The following DIS3 variants were observed in gnomAD, a reference collection of about 807,000 sequenced individuals.
The protein encoded by DIS3 is DIS3 exosome endoribonuclease and 3'-5' exoribonuclease.
Under a neutral mutation model 113.0 loss-of-function variants are expected in DIS3, and 103 were observed. The ratio of observed to expected loss-of-function variants is 0.91; its 90% CI spans 0.78 to 1.07. The LOEUF is 1.07. Ranked by LOEUF, DIS3 falls within the 50% of genes least tolerant of loss-of-function variation. The pLI, the probability that DIS3 is intolerant of heterozygous loss-of-function variation, is 0.00. For missense variants in DIS3, 1,121 were observed against 1,167.1 expected (o/e 0.96, Z 0.58); for synonymous variants, 402 against 394.3 (o/e 1.02, Z -0.23).
chr13:72,763,314 C>T (rs2033671816), intron 16 of DIS3, 137 bp downstream of exon 16: 1 of 1,158,876 alleles, frequency 8.6e-7, no homozygotes, highest in Non-Finnish European at 1.2e-6. Flanking sequence ...AAAAAAAAAC[C>T]AAAAGAAAAA....
intron 19 of DIS3, among the ~76,000 whole-genome samples, chr13:72,761,125 A>G (rs2033612701): frequency 6.6e-6 from 1 of 152,004 alleles, no homozygotes; most frequent in Non-Finnish European, 1.5e-5. Context: ...TACATGGTAT[A>G]AAAGAAAGAA....
chr13:72,762,952 C>A (rs2033661341), intron 16 of DIS3, among the ~76,000 whole-genome samples: 1 of 152,062 alleles, frequency 6.6e-6, no homozygotes, highest in Non-Finnish European at 1.5e-5. Flanking sequence ...GACCAGGATG[C>A]TGCATAGATC....
chr13:72,772,031 G>A, intron 10 of DIS3, 128 bp downstream of exon 10: 1 of 1,195,422 alleles, frequency 8.4e-7, no homozygotes, highest in Non-Finnish European at 1.2e-6. Flanking sequence ...TCTGACATAT[G>A]GCCAATAGCG....
intron 2 of DIS3, 102 bp from the exon 3 acceptor site, chr13:72,778,482 A>C (rs2034075246): frequency 5.9e-6 from 5 of 852,424 alleles, no homozygotes; most frequent in African/African-American, 1.7e-5. Flanking sequence ...AGAAAAAGTC[A>C]ATGGTATATC....
chr13:72,763,648 C>A lies in DIS3; in HGVS notation c.1971-41G>T, dbSNP rs990726679. 8.3e-6 allele frequency: 13 copies of A among 1,568,830 alleles called. No individual in the cohort carries two copies. In the African/African-American group the frequency reaches 1.2e-4, roughly 15 times the overall value. ...GCATTAAACAAACAAAAAAGAGAAT[C>A]TGAGACTTCTATATATCATATTTTT... On this transcript the variant is annotated intron_variant, in intron 15 of 20. Coordinates refer to ENST00000377767, the MANE Select transcript of DIS3 (RefSeq NM_014953.5).
rs568547611 is a variant in DIS3 at position 72,770,386 on chromosome 13, A to G, written c.1755+518T>C. Reference sequence around the variant, plus strand: ...TGCCTAGAAAGACTCTTCCCCTCCCACCCAAACTGAAATACATTTGTCTGT... The same window carrying G: ...TGCCTAGAAAGACTCTTCCCCTCCCGCCCAAACTGAAATACATTTGTCTGT... On this transcript the variant is annotated intron_variant, in intron 13 of 20. Coordinates refer to ENST00000377767, the MANE Select transcript of DIS3 (RefSeq NM_014953.5). Among the ~76,000 whole-genome samples the G allele has an allele frequency of 7.4e-3, 1,131 of 152,058 alleles. 12 individuals carry two copies. The highest frequency in any genetic ancestry group is 0.026 in the African/African-American group (1,089 of 41,454).
rs147732779 is a variant in DIS3 at position 72,754,067 on chromosome 13, G to T, written c.*5728C>A. ...TGAGGGCATTTACTGAACCTTCCAG[G>T]TGGTGGTTATATATTCATACTTGAA... On this transcript the variant is annotated 3_prime_UTR_variant, in exon 21 of 21. Coordinates refer to ENST00000377767, the MANE Select transcript of DIS3 (RefSeq NM_014953.5). 8.8e-3 allele frequency: 3,099 copies of T among 353,642 alleles called. 22 individuals are homozygous for T. The highest frequency in any genetic ancestry group is 0.013 in the Non-Finnish European group (2,462 of 195,922). The allele number at this position is 353,642 out of a possible 1,614,324, so 21.9% of individuals were successfully genotyped here. A position where few individuals can be genotyped will look rare whatever the true frequency, so the allele number is the denominator to read the frequency against.
chr13:72,774,749 T>C (rs1425672994), intron 6 of DIS3, among the ~76,000 whole-genome samples: 1 of 152,134 alleles, frequency 6.6e-6, no homozygotes, highest in African/African-American at 2.4e-5. Flanking sequence ...TCATAAGAAA[T>C]AACTGAAAGT....
chr13:72,756,958 C>T lies in DIS3; in HGVS notation c.*2837G>A, dbSNP rs1337301244. On this transcript the variant is annotated 3_prime_UTR_variant, in exon 21 of 21. Transcript: ENST00000377767. ...CATCTGTTAAATGGAGATAACAGTC[C>T]TGGCTTAACAGGGCTTTTTGAGTTA... is the stretch of plus-strand genomic sequence containing the variant. The T allele has an allele frequency of 6.6e-6, 1 of 152,120 alleles. No individual in the cohort carries two copies. The highest frequency in any genetic ancestry group is 1.5e-5 in the Non-Finnish European group (1 of 68,030). The allele number at this position is 152,120 out of a possible 1,614,324, so 9.4% of individuals were successfully genotyped here. A position where few individuals can be genotyped will look rare whatever the true frequency, so the allele number is the denominator to read the frequency against.
chr13:72,770,919 A>G lies in DIS3; in HGVS notation c.1740T>C (p.Ser580=), dbSNP rs760912860. 3.1e-6 allele frequency: 5 copies of G among 1,603,792 alleles called. No homozygotes were observed. The Admixed American group carries it at 8.5e-5, about 27-fold the overall frequency. ...AEILKTKFTK[S]VINSKASLTY... Reference sequence around the variant, plus strand: ...TGAAACGAACCTTTGAATTAATAACACTTTTGGTAAACTTCGTTTTTAAGA... The same window carrying G: ...TGAAACGAACCTTTGAATTAATAACGCTTTTGGTAAACTTCGTTTTTAAGA... Residue 580 remains serine (S), a synonymous_variant, in exon 13 of 21, where the codon AGT becomes AGC. Transcript: ENST00000377767.
chr13:72,764,082 G>A (rs886636256), intron 15 of DIS3, among the ~76,000 whole-genome samples: 4 of 152,124 alleles, frequency 2.6e-5, no homozygotes, highest in Admixed American at 6.5e-5. Context: ...AACCCGGGAG[G>A]TGGAGGTTGC....
Position 72,775,329 on chromosome 13 carries a change from T to C in DIS3, c.869A>G (p.Asp290Gly), listed in dbSNP as rs149665599. 2 of 1,613,624 alleles carry C rather than the reference T, an allele frequency of 1.2e-6. No individual in the cohort carries two copies. The highest frequency in any genetic ancestry group is 1.7e-6 in the Non-Finnish European group (2 of 1,179,706). Residue 290 changes from aspartate to glycine, a missense_variant, in exon 6 of 21, where the codon GAT (aspartate) becomes GGT (glycine). Transcript: ENST00000377767. ...GGGGAGAAGCTCCACAGCCACAATATCTTCGTGAACAGCTCTGTTTAAATG... is the reference window on the plus strand; with the variant it reads ...GGGGAGAAGCTCCACAGCCACAATACCTTCGTGAACAGCTCTGTTTAAATG... ...LKHLNRAVHEDIVAVELLPKS... is the reference protein window; with the variant it reads ...LKHLNRAVHEGIVAVELLPKS...
At chr13:72,776,352 A>AC (rs1385160633) in intron 4 of DIS3, among the ~76,000 whole-genome samples, 2 of 152,198 alleles carry the variant, frequency 1.3e-5, no homozygotes, top group Non-Finnish European at 2.9e-5. Context: ...GACAGATAGT[A>AC]CCACCAAGAA....
At chr13:72,762,926 T>C (rs944656143) in intron 16 of DIS3, among the ~76,000 whole-genome samples, 1 of 151,674 alleles carries the variant, frequency 6.6e-6, no homozygotes, top group African/African-American at 2.4e-5. Context: ...CAAGGAAACA[T>C]GGAAGAGTTT....
chr13:72,779,751 G>C (rs1253053766), intron 2 of DIS3, among the ~76,000 whole-genome samples: 3 of 149,692 alleles, frequency 2.0e-5, no homozygotes, highest in African/African-American at 7.4e-5. Flanking sequence ...CAACTGAGTG[G>C]TGGTGGTGGT....
At chr13:72,768,566 T>G (rs1360969017) in intron 14 of DIS3, among the ~76,000 whole-genome samples, 1 of 152,142 alleles carries the variant, frequency 6.6e-6, no homozygotes, top group African/African-American at 2.4e-5. Flanking sequence ...ATTGTTCGAA[T>G]TCGGGAGGCA....
At chr13:72,761,863 GC>G (rs756111748) in intron 17 of DIS3, 49 bp from the exon 18 acceptor site, 2 of 1,611,590 alleles carry the variant, frequency 1.2e-6, no homozygotes, top group African/African-American at 1.3e-5. Context: ...ACTAATATGT[GC>G]TTTTAAAATT....
At chr13:72,779,977 A>G (rs898509091) in intron 2 of DIS3, among the ~76,000 whole-genome samples, 76 of 152,162 alleles carry the variant, frequency 5.0e-4, no homozygotes, top group Non-Finnish European at 7.3e-5. Context: ...AGGCAATATC[A>G]TATTTTTGAG....
chr13:72,760,627 T>TA lies in DIS3; in HGVS notation c.2694dup (p.Thr899TyrfsTer7). ...ACTTTATCAAATACATGGAACACTG[T>TA]ATCTTCTATTTTAAGTGAGGGTATC... On this transcript the variant is annotated frameshift_variant, in exon 20 of 21. Coordinates refer to ENST00000377767, the MANE Select transcript of DIS3 (RefSeq NM_014953.5). LOFTEE classifies it high-confidence loss of function. 1.9e-6 allele frequency: 3 copies of TA among 1,612,972 alleles called. No individual in the cohort carries two copies. The highest frequency in any genetic ancestry group is 1.1e-5 in the South Asian group (1 of 91,020).
Sources: allele counts gnomAD v4.1 joint callset (sites outside exome capture counted in the v4.1 genomes callset), GRCh38; gene constraint gnomAD v4.1.1; transcripts MANE v1.5; gene names NCBI Gene and HGNC (gene_info 2026-07-23, HGNC 2026-07-21).